The following UBAP2 variants were observed in gnomAD, a reference collection of about 807,000 sequenced individuals.
The protein encoded by UBAP2 is ubiquitin associated protein 2.
UBAP2 carries 75 observed loss-of-function variants against 139.6 expected under a neutral mutation model. The ratio of observed to expected loss-of-function variants is 0.54; its 90% CI spans 0.45 to 0.65. The LOEUF (loss-of-function observed/expected upper bound fraction) is 0.65. UBAP2 is among the 30% of genes least tolerant of loss of function. The probability of loss-of-function intolerance (pLI) is 0.00; values close to 1 mark genes in which losing one functional copy is unlikely to be tolerated. For synonymous variants in UBAP2, 526 were observed against 526.2 expected, an observed-to-expected ratio of 1.00 and a Z score of 0.01; for missense variants, 1,368 against 1,369.6, an observed-to-expected ratio of 1.00 and a Z score of 0.02.
At chr9:33,957,851 T>C (rs1157347254) in intron 10 of UBAP2, among the ~76,000 whole-genome samples, 1 of 152,174 alleles carries the variant, frequency 6.6e-6, no homozygotes, top group Admixed American at 6.5e-5. Flanking sequence ...TAGGTGTTCA[T>C]TTTCTTCAAC....
chr9:34,005,276 A>T (rs1823097140), intron 2 of UBAP2, among the ~76,000 whole-genome samples: 1 of 151,208 alleles, frequency 6.6e-6, no homozygotes, highest in African/African-American at 2.4e-5. Context: ...AAAAAAAAAA[A>T]AAAAAAAAAT....
At chr9:34,034,689 A>G (rs1272994263) in intron 1 of UBAP2, among the ~76,000 whole-genome samples, 2 of 152,158 alleles carry the variant, frequency 1.3e-5, no homozygotes, top group Non-Finnish European at 2.9e-5. Context: ...CCTGGCTAAC[A>G]TGGTGAAACC....
At chr9:34,038,923 T>C (rs1477913032) in intron 1 of UBAP2, among the ~76,000 whole-genome samples, 4 of 126,498 alleles carry the variant, frequency 3.2e-5, no homozygotes, top group Non-Finnish European at 7.5e-5. Context: ...GGAGCGCCTC[T>C]GCCCCGCCAC....
At chr9:33,988,868 A>G in intron 5 of UBAP2, 105 bp downstream of exon 5, 1 of 1,239,446 alleles carries the variant, frequency 8.1e-7, no homozygotes, top group Non-Finnish European at 1.1e-6. Flanking sequence ...GAGAAAGCTG[A>G]GCGCAGTGAC....
chr9:33,990,820 A>G (rs571653251), intron 4 of UBAP2, among the ~76,000 whole-genome samples: 1 of 152,072 alleles, frequency 6.6e-6, no homozygotes, highest in South Asian at 2.1e-4. Flanking sequence ...TAATTTTAGT[A>G]GAGACGGGGT....
chr9:33,937,676 G>A (rs944467183), intron 16 of UBAP2, among the ~76,000 whole-genome samples: 1 of 150,972 alleles, frequency 6.6e-6, no homozygotes, highest in Non-Finnish European at 1.5e-5. Flanking sequence ...GGGCAGCTGT[G>A]GTGGGTTGAT....
At chr9:34,008,627 G>A (rs540111253) in intron 2 of UBAP2, among the ~76,000 whole-genome samples, 6 of 5,600 alleles carry the variant, frequency 1.1e-3, no homozygotes, top group Non-Finnish European at 2.1e-3. Flanking sequence ...ACTGCAAAGC[G>A]TAAGATATAT....
intron 12 of UBAP2, chr9:33,948,821 A>T (rs571879244): frequency 2.3e-6 from 1 of 442,748 alleles, no homozygotes; most frequent in African/African-American, 2.0e-5. Flanking sequence ...GGGAAGGGAA[A>T]TATTTGCCAT....
At chr9:33,953,242 G>T in intron 12 of UBAP2, 43 bp downstream of exon 12, 1 of 1,528,406 alleles carries the variant, frequency 6.5e-7, no homozygotes, top group Non-Finnish European at 9.0e-7. Context: ...TTTGCTAATG[G>T]GTATATTTCT....
Position 33,944,514 on chromosome 9 carries a change from G to C in UBAP2, c.1396C>G (p.Arg466Gly), listed in dbSNP as rs757022773. The change falls in exon 14 of 29, where the codon CGA becomes GGA. Residue 466 changes from arginine to glycine, a missense_variant. Coordinates refer to ENST00000379238, the MANE Select transcript of UBAP2 (RefSeq NM_001370062.2). ...GGACTGTCTCCAGGTGTTGATTCTC[G>C]AAGTTTTGCCTGGGAAGGAAAGGAC... ...LESFPSQAKL[R>G]ESTPGDSPST... The C allele has an allele frequency of 1.2e-6, 2 of 1,613,994 alleles. No individual in the cohort carries two copies. The highest frequency in any genetic ancestry group is 2.2e-5 in the East Asian group (1 of 44,888).
rs369248975 is a variant in UBAP2, at chr9:33,922,532, T to C, written c.3332A>G (p.Tyr1111Cys). Residue 1111 changes from tyrosine to cysteine, a missense_variant, in exon 29 of 29, where the codon TAC becomes TGC. Tyr to Cys is a radical substitution (Grantham distance 194, BLOSUM62 -2). Transcript: ENST00000379238. ...QPKSQASKPA[Y>C]GNSPYWTN ...GTTTGTCCAGTATGGAGAGTTGCCG[T>C]AGGCAGGTTTGGAGGCTTGAGACTT... is the stretch of plus-strand genomic sequence containing the variant. 2 of 1,613,824 alleles carry C rather than the reference T, an allele frequency of 1.2e-6. No individual in the cohort carries two copies. Among genetic ancestry groups the C allele is most frequent in the African/African-American group, 1.3e-5 (1 of 74,900 alleles).
chr9:34,012,528 C>A (rs75455485), intron 2 of UBAP2, among the ~76,000 whole-genome samples: 242 of 144,028 alleles, frequency 1.7e-3, no homozygotes, highest in Non-Finnish European at 1.9e-3. Flanking sequence ...AAAACTGTCT[C>A]AAAAAAAAAA....
At chr9:34,025,685 T>C (rs1056861365) in intron 1 of UBAP2, among the ~76,000 whole-genome samples, 2 of 152,230 alleles carry the variant, frequency 1.3e-5, no homozygotes, top group Non-Finnish European at 2.9e-5. Flanking sequence ...AAAGATATTC[T>C]CTATGAAAGG....
chr9:33,935,813 CAA>C (rs1281990237), intron 17 of UBAP2, 24 bp downstream of exon 17: 26 of 1,613,874 alleles, frequency 1.6e-5, no homozygotes, highest in Non-Finnish European at 2.0e-5. Flanking sequence ...CCAGCCATGA[CAA>C]GAGTAGCTTG....
At chr9:33,952,758 T>A (rs1011076787) in intron 12 of UBAP2, 4 of 154,546 alleles carry the variant, frequency 2.6e-5, no homozygotes, top group African/African-American at 9.6e-5. Context: ...CATAAAAAAA[T>A]TTTTATCTTT....
rs192666736 is a variant in UBAP2, at chr9:33,951,125, G to A, written c.1056+2160C>T. Among the ~76,000 whole-genome samples, 180 of 152,140 alleles carry A rather than the reference G, an allele frequency of 1.2e-3. 2 individuals carry two copies. Among genetic ancestry groups the A allele is most frequent in the African/African-American group, 4.1e-3 (172 of 41,546 alleles). On this transcript the variant is annotated intron_variant, in intron 12 of 28. Transcript: ENST00000379238. ...GGGCTCAAGTGATCCTCCCATGCCA[G>A]CCTCTCAAGTAGCTGGGATTACAGT...
intron 4 of UBAP2, chr9:33,995,478 T>C (rs979111444): frequency 7.4e-6 from 1 of 135,718 alleles, no homozygotes; most frequent in African/African-American, 2.9e-5. Flanking sequence ...AATATATAAA[T>C]ATATTTATAT....
chr9:34,048,386 C>A (rs185548771), intron 1 of UBAP2, among the ~76,000 whole-genome samples: 1 of 152,274 alleles, frequency 6.6e-6, no homozygotes, highest in African/African-American at 2.4e-5. Flanking sequence ...TAAGTTGGGG[C>A]TATAACAGGG....
At chr9:34,046,428 G>A (rs1827588377) in intron 1 of UBAP2, among the ~76,000 whole-genome samples, 1 of 151,838 alleles carries the variant, frequency 6.6e-6, no homozygotes, top group Non-Finnish European at 1.5e-5. Flanking sequence ...CGGATCACGG[G>A]GTCAGGAGAT....
Sources: allele counts gnomAD v4.1 joint callset (sites outside exome capture counted in the v4.1 genomes callset), GRCh38; gene constraint gnomAD v4.1.1; transcripts MANE v1.5; gene names NCBI Gene and HGNC (gene_info 2026-07-23, HGNC 2026-07-21).